FNBP4: variants seen among roughly 807,000 people sequenced by gnomAD.
FNBP4 encodes the protein formin-binding protein 4.
In FNBP4, 34 loss-of-function variants were observed where a neutral mutation model predicts 119.3. That is an observed-to-expected ratio of 0.28 (90% CI 0.22 to 0.38). FNBP4 has a LOEUF of 0.38. Ranked by LOEUF, FNBP4 falls within the 10% of genes least tolerant of loss-of-function variation. The pLI is 1.00. For synonymous variants in FNBP4, 462 were observed against 430.6 expected (o/e 1.07, Z -0.90); for missense variants, 1,112 against 1,228.9 (o/e 0.90, Z 1.42).
intron 12 of FNBP4, among the ~76,000 whole-genome samples, chr11:47,728,794 G>A (rs1258318908): frequency 1.3e-5 from 2 of 150,184 alleles, no homozygotes; most frequent in East Asian, 3.9e-4. Context: ...CTCCCAAAGT[G>A]CTGGAATTAC....
rs531330966 is a variant in FNBP4 at position 47,737,901 on chromosome 11, C to T, written c.1457-1161G>A. Among the ~76,000 whole-genome samples the T allele has an allele frequency of 9.6e-4, 146 of 151,826 alleles. 2 individuals carry two copies. The highest frequency in any genetic ancestry group is 1.1e-3 in the Non-Finnish European group (76 of 67,928). ...AACTGGGATTACAGGCATGTGCCAC[C>T]AAGCCTGGCTACTTTTGTATTTTTA... On this transcript the variant is annotated intron_variant, in intron 8 of 16. Coordinates refer to ENST00000263773, the MANE Select transcript of FNBP4 (RefSeq NM_015308.5).
In FNBP4 at chr11:47,717,336, T is replaced by C; in HGVS notation, c.*86A>G. ...TATAAGATCTCCCCCATAACATTTA[T>C]AGTTTATTTGACAATAAAACTGGTT... On this transcript the variant is annotated 3_prime_UTR_variant, in exon 17 of 17. Transcript: ENST00000263773. 1 of 842,444 alleles carries C rather than the reference T, an allele frequency of 1.2e-6. No homozygotes were observed. The highest frequency in any genetic ancestry group is 1.6e-5 in the South Asian group (1 of 63,632). The allele number at this position is 842,444 out of a possible 1,614,324, so 52.2% of individuals were successfully genotyped here.
chr11:47,722,339 C>T (rs185856693), intron 15 of FNBP4, among the ~76,000 whole-genome samples: 81 of 151,952 alleles, frequency 5.3e-4, no homozygotes, highest in Non-Finnish European at 9.0e-4. Flanking sequence ...ACCTCAGCCT[C>T]CCAGGTTCAA....
chr11:47,743,826 C>T, intron 8 of FNBP4, 127 bp downstream of exon 8: 1 of 827,960 alleles, frequency 1.2e-6, no homozygotes, highest in Non-Finnish European at 1.9e-6. Flanking sequence ...AAGCTTCCTT[C>T]CCAGCACTTC....
intron 8 of FNBP4, among the ~76,000 whole-genome samples, chr11:47,742,595 G>GA (rs372258056): frequency 1.4e-5 from 2 of 145,708 alleles, no homozygotes; most frequent in South Asian, 2.3e-4. Context: ...CAACTGAAAA[G>GA]AAAAAATTCA....
At chr11:47,761,989 C>A (rs180723013) in intron 2 of FNBP4, among the ~76,000 whole-genome samples, 22 of 151,898 alleles carry the variant, frequency 1.4e-4, no homozygotes, top group Non-Finnish European at 2.4e-4. Flanking sequence ...CAGGCATGCG[C>A]CACCATGCCC....
At chr11:47,725,636 C>A (rs1056459959) in intron 12 of FNBP4, 1 of 289,268 alleles carries the variant, frequency 3.5e-6, no homozygotes, top group African/African-American at 2.3e-5. Context: ...TGAAAAGTTG[C>A]AGGATCAGCT....
At chr11:47,735,157 A>C (rs895651663) in intron 9 of FNBP4, among the ~76,000 whole-genome samples, 5 of 152,224 alleles carry the variant, frequency 3.3e-5, no homozygotes, top group African/African-American at 1.2e-4. Flanking sequence ...ATCATATCAT[A>C]ATATATACAT....
chr11:47,745,726 C>T (rs936456545), intron 7 of FNBP4, among the ~76,000 whole-genome samples: 4 of 152,068 alleles, frequency 2.6e-5, no homozygotes, highest in South Asian at 4.1e-4. Context: ...ATAGTCCTAC[C>T]GATATGTGAT....
intron 12 of FNBP4, chr11:47,729,512 C>T (rs1420039389): frequency 2.0e-6 from 2 of 985,130 alleles, no homozygotes; most frequent in South Asian, 4.7e-5. Flanking sequence ...CACCCCTTCC[C>T]CCACTTTATT....
chr11:47,750,688 C>CAAAAAAAAAAAAAAAAAAAAAAAAA (rs67153479), intron 6 of FNBP4, among the ~76,000 whole-genome samples: 3 of 68,064 alleles, frequency 4.4e-5, no homozygotes, highest in African/African-American at 1.3e-4. Flanking sequence ...GACTCTGTCT[C>CAAAAAAAAAAAAAAAAAAAAAAAAA]AAAAAAAAAA....
intron 8 of FNBP4, among the ~76,000 whole-genome samples, chr11:47,740,673 A>C (rs191341341): frequency 2.0e-5 from 3 of 151,328 alleles, no homozygotes; most frequent in Non-Finnish European, 4.4e-5. Context: ...GGCTCACTCC[A>C]ACTTCCGCCT....
intron 12 of FNBP4, among the ~76,000 whole-genome samples, chr11:47,727,579 C>T (rs144176591): frequency 3.3e-5 from 5 of 152,252 alleles, no homozygotes; most frequent in African/African-American, 7.2e-5. Flanking sequence ...TTCAAATTCT[C>T]ACATACAATG....
At position 47,716,919 on chromosome 11, in the gene FNBP4, A is replaced by AATT. The variant is rs1332389273; in HGVS notation, c.*502_*503insAAT. On this transcript the variant is annotated 3_prime_UTR_variant, in exon 17 of 17. Transcript: ENST00000263773. ...TCTAGAACTTATGAGAACTACTCTA[A>AATT]AGAGTGTGGCCATCTATCAGCACGA... 6.5e-6 allele frequency: 1 copy of AATT among 153,422 alleles called. No individual in the cohort carries two copies. The highest frequency in any genetic ancestry group is 1.9e-4 in the East Asian group (1 of 5,236). The allele number at this position is 153,422 out of a possible 1,614,324, so 9.5% of individuals were successfully genotyped here. A position where few individuals can be genotyped will look rare whatever the true frequency, so the allele number is the denominator to read the frequency against.
At chr11:47,752,811 C>T (rs1375795697) in intron 4 of FNBP4, 105 bp downstream of exon 4, 5 of 923,480 alleles carry the variant, frequency 5.4e-6, no homozygotes, top group Non-Finnish European at 8.0e-6. Flanking sequence ...GAGATTCCAT[C>T]TCAAAACAAA....
intron 8 of FNBP4, among the ~76,000 whole-genome samples, chr11:47,738,847 ATTTTTTTTTTTTTTTT>A (rs71045510): frequency 1.2e-4 from 13 of 110,990 alleles, no homozygotes; most frequent in South Asian, 3.3e-4. Flanking sequence ...TGCCCAGGTA[ATTTTTTTTTTTTTTTT>A]TTTTTTTTTT....
At chr11:47,739,976 G>GT (rs1554981479) in intron 8 of FNBP4, among the ~76,000 whole-genome samples, 1 of 151,248 alleles carries the variant, frequency 6.6e-6, no homozygotes, top group African/African-American at 2.4e-5. Context: ...TTGTTTGTTT[G>GT]TTTAGTAGAG....
chr11:47,733,514 T>A (rs2097570057), intron 10 of FNBP4, among the ~76,000 whole-genome samples: 1 of 152,100 alleles, frequency 6.6e-6, no homozygotes, highest in African/African-American at 2.4e-5. Flanking sequence ...TTTGTATTTT[T>A]AGTAGAGATG....
intron 8 of FNBP4, among the ~76,000 whole-genome samples, chr11:47,740,599 GTT>G (rs36005884): frequency 2.5e-4 from 37 of 148,438 alleles, no homozygotes; most frequent in Non-Finnish European, 4.2e-4. Context: ...ATATGTATTT[GTT>G]TTTTTTTTCC....
Sources: allele counts gnomAD v4.1 joint callset (sites outside exome capture counted in the v4.1 genomes callset), GRCh38; gene constraint gnomAD v4.1.1; transcripts MANE v1.5; gene names NCBI Gene and HGNC (gene_info 2026-07-23, HGNC 2026-07-21).